The following EXT1 variants were observed in gnomAD, a reference collection of about 807,000 sequenced individuals.
The protein encoded by EXT1 is exostosin-1.
EXT1 carries 20 observed loss-of-function variants against 82.5 expected under a neutral mutation model. The observed-to-expected ratio is 0.24, with a 90% CI of 0.17 to 0.35. EXT1 has a LOEUF of 0.35. Among genes scored for constraint, EXT1 ranks in the 10% least tolerant of loss-of-function variants. The pLI, the probability that EXT1 is intolerant of heterozygous loss-of-function variation, is 1.00. For missense variants in EXT1, 757 were observed against 936.5 expected (o/e 0.81, Z 2.50); for synonymous variants, 348 against 350.8 (o/e 0.99, Z 0.09).
At chr8:117,882,433 G>A (rs1318795460) in intron 1 of EXT1, among the ~76,000 whole-genome samples, 2 of 152,164 alleles carry the variant, frequency 1.3e-5, no homozygotes, top group Admixed American at 6.5e-5. Context: ...TTGGTTGGTT[G>A]AGAGGTGTCT....
intron 1 of EXT1, among the ~76,000 whole-genome samples, chr8:117,883,301 T>C (rs1813093373): frequency 6.6e-6 from 1 of 152,210 alleles, no homozygotes; most frequent in African/African-American, 2.4e-5. Context: ...GAGGAAAAAG[T>C]CAACTTTTAA....
intron 1 of EXT1, among the ~76,000 whole-genome samples, chr8:118,015,655 C>T (rs1025624295): frequency 6.6e-6 from 1 of 152,134 alleles, no homozygotes; most frequent in Non-Finnish European, 1.5e-5. Context: ...AAGACGGCAT[C>T]TAAACTAAGA....
intron 1 of EXT1, among the ~76,000 whole-genome samples, chr8:118,096,624 A>G (rs13270513): frequency 3.2e-3 from 90 of 28,392 alleles, no homozygotes; most frequent in South Asian, 6.0e-3. Flanking sequence ...AGGAAGGAGG[A>G]AGGAAGGAAG....
intron 1 of EXT1, among the ~76,000 whole-genome samples, chr8:118,065,901 A>G (rs1287328343): frequency 6.6e-6 from 1 of 152,224 alleles, no homozygotes; most frequent in East Asian, 1.9e-4. Context: ...CTGACCTTGG[A>G]CATGGGACTG....
At chr8:117,946,777 C>G (rs1050398524) in intron 1 of EXT1, among the ~76,000 whole-genome samples, 1 of 151,898 alleles carries the variant, frequency 6.6e-6, no homozygotes, top group Non-Finnish European at 1.5e-5. Context: ...AGTGCTTACA[C>G]CACCACCTGG....
intron 3 of EXT1, among the ~76,000 whole-genome samples, chr8:117,832,644 C>A (rs1342975038): frequency 2.0e-5 from 3 of 152,142 alleles, no homozygotes; most frequent in African/African-American, 7.2e-5. Flanking sequence ...ACTCACCTAC[C>A]AATGCTGTTC....
Position 117,894,244 on chromosome 8 carries a change from G to C in EXT1, c.963-57043C>G, listed in dbSNP as rs944928961. Among the ~76,000 whole-genome samples, 10 of 151,512 alleles carry C rather than the reference G, an allele frequency of 6.6e-5. No individual in the cohort carries two copies. The South Asian group carries it at 1.3e-3, about 19-fold the overall frequency. On this transcript the variant is annotated intron_variant, in intron 1 of 10. Coordinates refer to ENST00000378204, the MANE Select transcript of EXT1 (RefSeq NM_000127.3). ...TGTTGAGATGAGGTCTCGCTATATT[G>C]TCCAGGCTGGTCTTGAACAACTGAG...
At chr8:117,822,157 A>G (rs1811935430) in intron 5 of EXT1, among the ~76,000 whole-genome samples, 1 of 152,214 alleles carries the variant, frequency 6.6e-6, no homozygotes, top group South Asian at 2.1e-4. Context: ...ATGAGGCTTA[A>G]AATGATAGCT....
intron 1 of EXT1, among the ~76,000 whole-genome samples, chr8:117,883,576 C>T (rs955311582): frequency 6.6e-6 from 1 of 152,232 alleles, no homozygotes; most frequent in African/African-American, 2.4e-5. Context: ...CCTAAAGGCA[C>T]ATCTGTTGAC....
chr8:117,983,337 A>T (rs953500176), intron 1 of EXT1, among the ~76,000 whole-genome samples: 1 of 152,136 alleles, frequency 6.6e-6, no homozygotes, highest in Non-Finnish European at 1.5e-5. Context: ...TATTAAAGTT[A>T]GATGGGTGTG....
chr8:118,084,625 T>C (rs1370931506), intron 1 of EXT1, among the ~76,000 whole-genome samples: 3 of 152,164 alleles, frequency 2.0e-5, no homozygotes, highest in Non-Finnish European at 2.9e-5. Flanking sequence ...TGGGTCCACA[T>C]ATGTCAGTGT....
intron 1 of EXT1, among the ~76,000 whole-genome samples, chr8:117,948,186 G>T (rs1403214148): frequency 6.6e-6 from 1 of 152,066 alleles, no homozygotes; most frequent in Non-Finnish European, 1.5e-5. Context: ...ATACATTATA[G>T]TAAGAAGAGA....
chr8:118,058,269 A>G (rs900694642), intron 1 of EXT1, among the ~76,000 whole-genome samples: 1 of 152,196 alleles, frequency 6.6e-6, no homozygotes, highest in Non-Finnish European at 1.5e-5. Context: ...TATACTTTAT[A>G]TTGTTTAGTA....
intron 1 of EXT1, among the ~76,000 whole-genome samples, chr8:117,885,492 G>C (rs1474837572): frequency 2.7e-4 from 5 of 18,272 alleles, no homozygotes; most frequent in Admixed American, 6.7e-4. Context: ...GAAAGTAACA[G>C]ACAAAAAAAA....
chr8:117,991,670 T>C (rs913146961), intron 1 of EXT1, among the ~76,000 whole-genome samples: 2 of 152,186 alleles, frequency 1.3e-5, no homozygotes, highest in Non-Finnish European at 2.9e-5. Context: ...CAAGTGATTC[T>C]CCGGCCTCAG....
At chr8:117,896,191 C>T (rs967722315) in intron 1 of EXT1, among the ~76,000 whole-genome samples, 1 of 152,160 alleles carries the variant, frequency 6.6e-6, no homozygotes, top group Non-Finnish European at 1.5e-5. Flanking sequence ...GATGTGTGTG[C>T]ATGTGTGCAC....
At chr8:118,071,432 C>G (rs1409276072) in intron 1 of EXT1, among the ~76,000 whole-genome samples, 1 of 150,870 alleles carries the variant, frequency 6.6e-6, no homozygotes, top group East Asian at 2.0e-4. Flanking sequence ...GAGTTTTTTA[C>G]TGTTAAAATC....
chr8:118,081,836 T>C (rs1817337730), intron 1 of EXT1, among the ~76,000 whole-genome samples: 1 of 152,212 alleles, frequency 6.6e-6, no homozygotes, highest in Non-Finnish European at 1.5e-5. Context: ...GAATTACAAC[T>C]GCTCCATTTT....
At chr8:117,812,448 TAG>T (rs1281012040) in intron 8 of EXT1, among the ~76,000 whole-genome samples, 2 of 152,126 alleles carry the variant, frequency 1.3e-5, no homozygotes, top group African/African-American at 2.4e-5. Context: ...GAGCTCCACA[TAG>T]AGTCTCCTAA....
Sources: allele counts gnomAD v4.1 joint callset (sites outside exome capture counted in the v4.1 genomes callset), GRCh38; gene constraint gnomAD v4.1.1; transcripts MANE v1.5; gene names NCBI Gene and HGNC (gene_info 2026-07-23, HGNC 2026-07-21).